The following LRIT3 variants were observed in gnomAD, a reference collection of about 807,000 sequenced individuals.
The protein encoded by LRIT3 is leucine-rich repeat, immunoglobulin-like domain and transmembrane domain-containing protein 3.
A neutral mutation model predicts 22.6 loss-of-function variants in LRIT3; 14 were observed. That is an observed-to-expected ratio of 0.62 (90% CI 0.41 to 0.97). The LOEUF (loss-of-function observed/expected upper bound fraction) is 0.97, where lower values mean the gene tolerates loss of function less well. LRIT3 is among the 50% of genes least tolerant of loss of function. The probability of loss-of-function intolerance (pLI) is 0.00; values close to 1 mark genes in which losing one functional copy is unlikely to be tolerated. For missense variants in LRIT3, 783 were observed against 803.0 expected (o/e 0.98, Z 0.30); for synonymous variants, 306 against 304.5 (o/e 1.01, Z -0.05).
In LRIT3 at chr4:109,869,975, C is replaced by T. The variant is rs77966848; in HGVS notation, c.1226C>T (p.Ser409Phe). The T allele has an allele frequency of 8.0e-4, 1,286 of 1,614,074 alleles. 10 individuals are homozygous for T. The African/African-American group carries it at 0.015, about 19-fold the overall frequency. The change falls in exon 4 of 4, where the codon TCC becomes TTC. Residue 409 changes from serine (S) to phenylalanine (F), a missense_variant. By Grantham distance (155) the Ser-to-Phe change is radical. Coordinates refer to ENST00000594814, the MANE Select transcript of LRIT3 (RefSeq NM_198506.5). ...ASTLSPPSTA[S>F]FSLSPFSSST... ...ACTTTGTCTCCTCCCTCTACTGCTT[C>T]CTTCTCTTTATCTCCTTTCTCCTCC... is the stretch of plus-strand genomic sequence containing the variant.
chr4:109,870,722 C>T lies in LRIT3; in HGVS notation c.1973C>T (p.Ser658Phe), dbSNP rs1734815328. 6.2e-7 allele frequency: 1 copy of T among 1,613,972 alleles called. No individual in the cohort carries two copies. Among genetic ancestry groups the T allele is most frequent in the East Asian group, 2.2e-5 (1 of 44,868 alleles). Reference sequence around the variant, plus strand: ...GACTCAGAGAAATTGCTGCTTTGTTCTAGGTCAAGTGTGGAATCTCAGGTG... The same window carrying T: ...GACTCAGAGAAATTGCTGCTTTGTTTTAGGTCAAGTGTGGAATCTCAGGTG... ...RDDSEKLLLC[S>F]RSSVESQVTF... The change falls in exon 4 of 4, where the codon TCT becomes TTT. Residue 658 changes from serine (S) to phenylalanine (F), a missense_variant. Coordinates refer to ENST00000594814, the MANE Select transcript of LRIT3 (RefSeq NM_198506.5).
At chr4:109,854,776 A>G (rs549934456) in intron 2 of LRIT3, among the ~76,000 whole-genome samples, 40 of 152,314 alleles carry the variant, frequency 2.6e-4, no homozygotes, top group African/African-American at 9.4e-4. Flanking sequence ...AGTTTTTAGC[A>G]TGAAAGGGTG....
chr4:109,851,657 C>G lies in LRIT3; in HGVS notation c.270C>G (p.Tyr90Ter). Residue 90 changes from tyrosine (Y) to a stop codon, truncating the protein, a stop_gained, in exon 2 of 4, where the codon TAC becomes TAG. Transcript: ENST00000594814. LOFTEE classifies it high-confidence loss of function. ...LVELQYLWVT[Y>*]NSVASIDPSS... ...AGCTCCAGTATCTCTGGGTGACTTACAATTCCGTGGCCAGCATTGACCCCA... is the reference window on the plus strand; with the variant it reads ...AGCTCCAGTATCTCTGGGTGACTTAGAATTCCGTGGCCAGCATTGACCCCA... The G allele has an allele frequency of 6.4e-7, 1 of 1,551,744 alleles. No individual in the cohort carries two copies. The highest frequency in any genetic ancestry group is 2.4e-5 in the East Asian group (1 of 40,912).
Position 109,870,059 on chromosome 4 carries a change from C to A in LRIT3, c.1310C>A (p.Ala437Asp), listed in dbSNP as rs141175510. The A allele has an allele frequency of 6.2e-7, 1 of 1,614,048 alleles. No homozygotes were observed. Among genetic ancestry groups the A allele is most frequent in the African/African-American group, 1.3e-5 (1 of 74,910 alleles). ...AGCATCTCAGCAAGTACCACCATGG[C>A]CAACAAGCGATCATTCCAGCTCCAC... The part of the protein sequence containing the change: ...STSISASTTM[A>D]NKRSFQLHQG... Residue 437 changes from alanine to aspartate, a missense_variant, in exon 4 of 4, where the codon GCC (alanine) becomes GAC (aspartate). By Grantham distance (126) the Ala-to-Asp change is moderately radical. This residue lies in a region of LRIT3 where 756 missense variants were observed against 753.8 expected (regional missense o/e 1.00). Coordinates refer to ENST00000594814, the MANE Select transcript of LRIT3 (RefSeq NM_198506.5).
intron 3 of LRIT3, among the ~76,000 whole-genome samples, chr4:109,868,864 G>C (rs868097091): frequency 2.0e-5 from 3 of 152,058 alleles, no homozygotes; most frequent in African/African-American, 4.8e-5. Context: ...CCTATATATA[G>C]GTAGTCAATG....
At chr4:109,852,110 T>C in intron 2 of LRIT3, 134 bp downstream of exon 2, 1 of 789,608 alleles carries the variant, frequency 1.3e-6, no homozygotes, top group Non-Finnish European at 2.0e-6. Flanking sequence ...TAGTACCTTA[T>C]TAGTTAACCT....
intron 2 of LRIT3, among the ~76,000 whole-genome samples, chr4:109,856,149 A>C (rs937857153): frequency 2.6e-5 from 4 of 152,176 alleles, no homozygotes; most frequent in African/African-American, 9.7e-5. Flanking sequence ...AGCACATTAC[A>C]CACTGTTGGC....
In LRIT3 at chr4:109,859,531, G is replaced by A. The variant is rs545761135; in HGVS notation, c.589+7555G>A. Among the ~76,000 whole-genome samples the A allele has an allele frequency of 9.8e-5, 15 of 152,286 alleles. No homozygotes were observed. In the East Asian group the frequency reaches 2.7e-3, roughly 27 times the overall value. ...TACAAACAATCCATAGAAACAGGAC[G>A]TGAAGCTAGACAACCGGTTAGACCA... is the stretch of plus-strand genomic sequence containing the variant. On this transcript the variant is annotated intron_variant, in intron 2 of 3. Transcript: ENST00000594814.
chr4:109,852,816 C>G (rs1395961638), intron 2 of LRIT3, among the ~76,000 whole-genome samples: 1 of 152,074 alleles, frequency 6.6e-6, no homozygotes, highest in African/African-American at 2.4e-5. Context: ...TCAACTCCCA[C>G]TTATGAGTGA....
intron 1 of LRIT3, among the ~76,000 whole-genome samples, 190 bp downstream of exon 1, chr4:109,848,507 G>A (rs1266931752): frequency 6.6e-6 from 1 of 152,118 alleles, no homozygotes; most frequent in Non-Finnish European, 1.5e-5. Flanking sequence ...GTTTTGAGCA[G>A]TTTAACTCTC....
At chr4:109,848,505 C>T (rs1351429784) in intron 1 of LRIT3, among the ~76,000 whole-genome samples, 188 bp downstream of exon 1, 1 of 152,136 alleles carries the variant, frequency 6.6e-6, no homozygotes, top group Non-Finnish European at 1.5e-5. Context: ...TCGTTTTGAG[C>T]AGTTTAACTC....
At position 109,860,676 on chromosome 4, in the gene LRIT3, C is replaced by T. The variant is rs138413712; in HGVS notation, c.590-6965C>T. On this transcript the variant is annotated intron_variant, in intron 2 of 3. Transcript: ENST00000594814. ...ACCATCATCAAGATACAGAATATTTCCATGACCTCAGAAAGTTCTGTGTTT... is the reference window on the plus strand; with the variant it reads ...ACCATCATCAAGATACAGAATATTTTCATGACCTCAGAAAGTTCTGTGTTT... Among the ~76,000 whole-genome samples the T allele has an allele frequency of 7.9e-5, 12 of 152,304 alleles. No homozygotes were observed. In the East Asian group the frequency reaches 2.3e-3, roughly 29 times the overall value.
chr4:109,858,413 C>T (rs1409332125), intron 2 of LRIT3, among the ~76,000 whole-genome samples: 1 of 151,990 alleles, frequency 6.6e-6, no homozygotes, highest in Non-Finnish European at 1.5e-5. Flanking sequence ...TAGTTGTTTC[C>T]TGCTGTGGCA....
At chr4:109,868,211 T>G (rs561998934) in intron 3 of LRIT3, among the ~76,000 whole-genome samples, 4 of 152,212 alleles carry the variant, frequency 2.6e-5, no homozygotes, top group African/African-American at 9.6e-5. Flanking sequence ...ACAAGGTCTT[T>G]GTCTTGCTTC....
At chr4:109,850,406 C>CTTTCTTTCTCTTT (rs1475607293) in intron 1 of LRIT3, among the ~76,000 whole-genome samples, 1 of 1,472 alleles carries the variant, frequency 6.8e-4, no homozygotes, top group African/African-American at 9.6e-4. Context: ...TTCCTTCCTT[C>CTTTCTTTCTCTTT]CTTCCTTCCT....
chr4:109,863,754 C>T (rs749579425), intron 2 of LRIT3, among the ~76,000 whole-genome samples: 3 of 152,202 alleles, frequency 2.0e-5, no homozygotes, highest in Non-Finnish European at 4.4e-5. Context: ...CGATGGCAGG[C>T]AAACTTGCCC....
chr4:109,855,257 G>C (rs919468562), intron 2 of LRIT3, among the ~76,000 whole-genome samples: 1 of 152,086 alleles, frequency 6.6e-6, no homozygotes, highest in Non-Finnish European at 1.5e-5. Context: ...CTTCTTCCTG[G>C]TTTAGTATTG....
rs143054178 is a variant in LRIT3 at position 109,858,257 on chromosome 4, G to C, written c.589+6281G>C. ...TTAACAGTCTATAGAGTGACAGAGGGTAGAAGGAGCAATGTCATCAGGAGG... is the reference window on the plus strand; with the variant it reads ...TTAACAGTCTATAGAGTGACAGAGGCTAGAAGGAGCAATGTCATCAGGAGG... On this transcript the variant is annotated intron_variant, in intron 2 of 3. Transcript: ENST00000594814. Among the ~76,000 whole-genome samples the C allele has an allele frequency of 6.2e-4, 95 of 152,240 alleles. 1 individual carries two copies. The highest frequency in any genetic ancestry group is 5.0e-3 in the South Asian group (24 of 4,828).
rs1734820262 is a variant in LRIT3 at position 109,870,935 on chromosome 4, A to G, written c.*146A>G. The G allele has an allele frequency of 1.3e-6, 1 of 746,884 alleles. No homozygotes were observed. The highest frequency in any genetic ancestry group is 4.1e-5 in the South Asian group (1 of 24,442). 46.3% of individuals were successfully genotyped at this position (746,884 alleles called of 1,614,324 possible). ...CTTTTAAGTATGTTTAAAAAATACC[A>G]TGAGACCTCTGAACTGAAAAGACAA... On this transcript the variant is annotated 3_prime_UTR_variant, in exon 4 of 4. Transcript: ENST00000594814.
Sources: allele counts gnomAD v4.1 joint callset (sites outside exome capture counted in the v4.1 genomes callset), GRCh38; gene constraint gnomAD v4.1.1; regional missense constraint gnomAD v4.1.1; transcripts MANE v1.5; gene names NCBI Gene and HGNC (gene_info 2026-07-23, HGNC 2026-07-21).